GRID2: variants seen among roughly 807,000 people sequenced by gnomAD.
GRID2 encodes the protein glutamate ionotropic receptor delta type subunit 2.
A neutral mutation model predicts 114.8 loss-of-function variants in GRID2; 33 were observed. The observed-to-expected ratio is 0.29, with a 90% confidence interval of 0.22 to 0.38. The LOEUF (loss-of-function observed/expected upper bound fraction) is 0.38, where lower values mean the gene tolerates loss of function less well. Ranked by LOEUF, GRID2 falls within the 10% of genes least tolerant of loss-of-function variation. GRID2 has a pLI of 1.00. For synonymous variants in GRID2, 505 were observed against 449.9 expected, an observed-to-expected ratio of 1.12 and a Z score of -1.55; for missense variants, 1,184 against 1,257.7, an observed-to-expected ratio of 0.94 and a Z score of 0.89.
At chr4:92,326,013 C>T (rs1474431569) in intron 1 of GRID2, among the ~76,000 whole-genome samples, 2 of 151,564 alleles carry the variant, frequency 1.3e-5, no homozygotes, top group South Asian at 2.1e-4. Flanking sequence ...GATAATTCTA[C>T]ACATGAAAAG....
chr4:92,525,103 T>G (rs1445748943), intron 1 of GRID2, among the ~76,000 whole-genome samples: 1 of 151,770 alleles, frequency 6.6e-6, no homozygotes, highest in Non-Finnish European at 1.5e-5. Flanking sequence ...GGCTGATCAG[T>G]TGCAGAGAGT....
At chr4:93,192,985 C>T (rs1330301911) in intron 4 of GRID2, among the ~76,000 whole-genome samples, 1 of 152,034 alleles carries the variant, frequency 6.6e-6, no homozygotes, top group Non-Finnish European at 1.5e-5. Context: ...AGCAAAACAA[C>T]AACAAAAAGA....
chr4:93,683,531 T>C (rs1725792733), intron 14 of GRID2, among the ~76,000 whole-genome samples: 1 of 152,128 alleles, frequency 6.6e-6, no homozygotes, highest in African/African-American at 2.4e-5. Flanking sequence ...GCTTAAGAGA[T>C]TCTGAGTCGT....
At chr4:93,246,325 C>T (rs769817226) in intron 8 of GRID2, among the ~76,000 whole-genome samples, 2 of 152,132 alleles carry the variant, frequency 1.3e-5, no homozygotes, top group Non-Finnish European at 2.9e-5. Flanking sequence ...TGGTGGCTCA[C>T]ACCTGTAATC....
At chr4:93,795,726 C>A (rs989863760) in intron 1 of GRID2, among the ~76,000 whole-genome samples, 28 of 152,204 alleles carry the variant, frequency 1.8e-4, no homozygotes, top group African/African-American at 6.0e-4. Context: ...TTAATCCCAA[C>A]GTTATTTACA....
At chr4:92,822,028 G>A (rs970708621) in intron 2 of GRID2, 3 of 196,530 alleles carry the variant, frequency 1.5e-5, no homozygotes, top group African/African-American at 7.1e-5. Flanking sequence ...GCACCAGATT[G>A]TCTATGTAGC....
chr4:93,021,219 G>A (rs1165754704), intron 2 of GRID2, among the ~76,000 whole-genome samples: 3 of 151,606 alleles, frequency 2.0e-5, no homozygotes, highest in Non-Finnish European at 2.9e-5. Flanking sequence ...AATAACTGGA[G>A]CATTTTTAGA....
chr4:93,585,482 G>A (rs1177380947), intron 13 of GRID2, among the ~76,000 whole-genome samples: 1 of 152,084 alleles, frequency 6.6e-6, no homozygotes. Flanking sequence ...ACAAAGTGAT[G>A]TGGATGGTCT....
intron 8 of GRID2, among the ~76,000 whole-genome samples, chr4:93,255,050 A>C (rs1749410127): frequency 6.6e-6 from 1 of 152,176 alleles, no homozygotes; most frequent in African/African-American, 2.4e-5. Context: ...CTAATTATAC[A>C]ATAGTCTCTT....
intron 2 of GRID2, among the ~76,000 whole-genome samples, chr4:92,919,001 A>G (rs2149500963): frequency 6.6e-6 from 1 of 152,162 alleles, no homozygotes; most frequent in East Asian, 1.9e-4. Flanking sequence ...TTGGTTAGTA[A>G]GCTATTAATT....
At chr4:93,042,866 T>C (rs1472761154) in intron 2 of GRID2, among the ~76,000 whole-genome samples, 2 of 151,580 alleles carry the variant, frequency 1.3e-5, no homozygotes, top group Non-Finnish European at 2.9e-5. Context: ...TTAGGCCAAG[T>C]AGCCACTCTT....
chr4:92,593,024 C>CTAA (rs1285588144), intron 2 of GRID2, among the ~76,000 whole-genome samples: 1 of 151,934 alleles, frequency 6.6e-6, no homozygotes, highest in African/African-American at 2.4e-5. Context: ...TTGAGAGGGA[C>CTAA]TAACATCACC....
chr4:92,590,634 C>G (rs896490885), intron 2 of GRID2, among the ~76,000 whole-genome samples: 1 of 152,120 alleles, frequency 6.6e-6, no homozygotes, highest in Non-Finnish European at 1.5e-5. Context: ...ATAACTGCCA[C>G]CTTGGGTATT....
chr4:93,086,525 T>C (rs1370660894), intron 3 of GRID2, among the ~76,000 whole-genome samples: 9 of 152,062 alleles, frequency 5.9e-5, no homozygotes, highest in South Asian at 2.1e-4. Context: ...TATTCAATGG[T>C]TGCATGGGGT....
chr4:92,562,200 GA>G (rs941212252), intron 1 of GRID2, among the ~76,000 whole-genome samples: 1 of 152,086 alleles, frequency 6.6e-6, no homozygotes. Flanking sequence ...AAATCTCCTT[GA>G]AAAGAACAAG....
chr4:93,021,414 A>G (rs1001518182), intron 2 of GRID2, among the ~76,000 whole-genome samples: 8 of 150,002 alleles, frequency 5.3e-5, no homozygotes, highest in Admixed American at 4.0e-4. Flanking sequence ...TATTTAACAT[A>G]TTTCTATTAT....
intron 1 of GRID2, among the ~76,000 whole-genome samples, chr4:92,360,444 C>T (rs987220069): frequency 2.6e-5 from 4 of 151,782 alleles, no homozygotes; most frequent in African/African-American, 4.8e-5. Flanking sequence ...ATAAACAAAA[C>T]CAAACCATTA....
chr4:92,818,043 A>G (rs1040243110), intron 2 of GRID2, among the ~76,000 whole-genome samples: 1 of 152,108 alleles, frequency 6.6e-6, no homozygotes, highest in Non-Finnish European at 1.5e-5. Context: ...ACCTTTTGTG[A>G]CACATCTACA....
chr4:93,028,418 A>G (rs118026129), intron 2 of GRID2, among the ~76,000 whole-genome samples: 10 of 151,994 alleles, frequency 6.6e-5, no homozygotes, highest in African/African-American at 2.4e-4. Context: ...AGAGAGAGAG[A>G]GTGCCAGGGT....
Sources: gnomAD v4.1 joint callset for allele counts (sites outside exome capture counted in the v4.1 genomes callset) on GRCh38, gnomAD v4.1.1 for gene constraint, MANE v1.5 for transcripts, NCBI Gene and HGNC (gene_info 2026-07-23, HGNC 2026-07-21) for gene names.